Variants in IL17RD observed in about 807,000 individuals in gnomAD.
IL17RD encodes interleukin-17 receptor D.
IL17RD carries 52 observed loss-of-function variants against 80.5 expected under a neutral mutation model. The ratio of observed to expected loss-of-function variants is 0.65; its 90% confidence interval spans 0.52 to 0.81. IL17RD has a LOEUF of 0.81. Among genes scored for constraint, IL17RD ranks in the 40% least tolerant of loss-of-function variants. The pLI is 0.00. For missense variants in IL17RD, 1,024 were observed against 955.1 expected, an observed-to-expected ratio of 1.07 and a Z score of -0.95; for synonymous variants, 416 against 391.8, an observed-to-expected ratio of 1.06 and a Z score of -0.73.
chr3:57,160,116 G>A (rs954147587), intron 1 of IL17RD, among the ~76,000 whole-genome samples: 3 of 152,136 alleles, frequency 2.0e-5, no homozygotes, highest in African/African-American at 7.2e-5. Context: ...AGATTGCAGT[G>A]AGCTGAGATC....
At chr3:57,111,725 C>G (rs537994237) in intron 3 of IL17RD, among the ~76,000 whole-genome samples, 6 of 152,068 alleles carry the variant, frequency 3.9e-5, no homozygotes, top group Admixed American at 1.3e-4. Flanking sequence ...AATCCCAGCA[C>G]TTTGGAAGGC....
intron 1 of IL17RD, among the ~76,000 whole-genome samples, chr3:57,164,749 A>G (rs1474261746): frequency 6.6e-6 from 1 of 151,648 alleles, no homozygotes; most frequent in Admixed American, 6.6e-5. Context: ...CCGGGAGAAT[A>G]CCCCCTTCCC....
At chr3:57,158,533 G>A (rs550580780) in intron 1 of IL17RD, among the ~76,000 whole-genome samples, 17 of 152,252 alleles carry the variant, frequency 1.1e-4, no homozygotes, top group African/African-American at 3.8e-4. Flanking sequence ...GATTTGTTGA[G>A]GACAGCTGGT....
intron 1 of IL17RD, among the ~76,000 whole-genome samples, chr3:57,128,798 G>A (rs1190072122): frequency 6.6e-6 from 1 of 151,920 alleles, no homozygotes; most frequent in Non-Finnish European, 1.5e-5. Context: ...ACACACACAC[G>A]CAATGCACAC....
chr3:57,112,517 T>C (rs895805716), intron 3 of IL17RD, among the ~76,000 whole-genome samples: 1 of 152,190 alleles, frequency 6.6e-6, no homozygotes, highest in African/African-American at 2.4e-5. Flanking sequence ...TACTGGTCGA[T>C]GTTCAGTTTT....
At chr3:57,113,622 A>G (rs1707145739) in intron 3 of IL17RD, among the ~76,000 whole-genome samples, 1 of 152,130 alleles carries the variant, frequency 6.6e-6, no homozygotes, top group Non-Finnish European at 1.5e-5. Context: ...TAACTGTAGC[A>G]TCAAATGCTG....
chr3:57,154,279 T>TACACACACACACACACACACAC lies in IL17RD; in HGVS notation c.126+10881_126+10882insGTGTGTGTGTGTGTGTGTGTGT, dbSNP rs779041353. Among the ~76,000 whole-genome samples, 126 of 126,294 alleles carry TACACACACACACACACACACAC rather than the reference T, an allele frequency of 1.0e-3. 1 individual carries two copies. The highest frequency in any genetic ancestry group is 3.8e-3 in the African/African-American group (116 of 30,608). 82.9% of individuals were successfully genotyped at this position (126,294 alleles called of 152,430 possible). A position where few individuals can be genotyped will look rare whatever the true frequency, so the allele number is the denominator to read the frequency against. On this transcript the variant is annotated intron_variant, in intron 1 of 12. Coordinates refer to ENST00000296318, the MANE Select transcript of IL17RD (RefSeq NM_017563.5). ...AAAAAATTATATATATATATATATATATATACACACACACACACACACATA... is the reference window on the plus strand; with the variant it reads ...AAAAAATTATATATATATATATATATACACACACACACACACACACACATATACACACACACACACACACATA...
At chr3:57,126,559 A>G (rs1222556077) in intron 1 of IL17RD, among the ~76,000 whole-genome samples, 1 of 152,262 alleles carries the variant, frequency 6.6e-6, no homozygotes, top group African/African-American at 2.4e-5. Flanking sequence ...GTGATCAGAC[A>G]GCCAACTTCC....
chr3:57,109,503 C>G, intron 5 of IL17RD, 34 bp downstream of exon 5: 1 of 1,593,644 alleles, frequency 6.3e-7, no homozygotes, highest in Middle Eastern at 1.7e-4. Flanking sequence ...GAAAAGTCTT[C>G]TCATGGGAAC....
upstream of IL17RD, among the ~76,000 whole-genome samples, chr3:57,168,314 G>A (rs1445185188): frequency 3.9e-5 from 6 of 152,300 alleles, no homozygotes; most frequent in African/African-American, 1.4e-4. Flanking sequence ...CTTTCTGTCT[G>A]CACACCCACC....
chr3:57,169,522 G>A, upstream of IL17RD: 1 of 202,218 alleles, frequency 4.9e-6, no homozygotes, highest in South Asian at 6.6e-5. Context: ...TTTTGTTAGG[G>A]GTCAAATTAT....
At chr3:57,138,076 T>C (rs769474183) in intron 1 of IL17RD, among the ~76,000 whole-genome samples, 3 of 152,096 alleles carry the variant, frequency 2.0e-5, no homozygotes, top group Non-Finnish European at 4.4e-5. Context: ...GAGACATGAA[T>C]AGAGATAGCC....
At chr3:57,130,770 AT>A (rs1284685779) in intron 1 of IL17RD, among the ~76,000 whole-genome samples, 2 of 152,168 alleles carry the variant, frequency 1.3e-5, no homozygotes. Context: ...TCCCCCTGAG[AT>A]GCAGTCAGGG....
intron 3 of IL17RD, among the ~76,000 whole-genome samples, chr3:57,113,386 C>CGACA (rs1707140817): frequency 6.6e-6 from 1 of 152,020 alleles, no homozygotes. Context: ...TACAGGCATG[C>CGACA]GACACCACAC....
rs1707050077 is a variant in IL17RD at position 57,109,666 on chromosome 3, G to C, written c.430-9C>G. On this transcript the variant is annotated splice_polypyrimidine_tract_variant and intron_variant, in intron 4 of 12. Transcript: ENST00000296318. ...GGTTGAGATTCCATTCCCTAAAAGG[G>C]AACAAAAACACAGTGACATCATGGA... 1 of 1,610,116 alleles carries C rather than the reference G, an allele frequency of 6.2e-7. No individual in the cohort carries two copies. Among genetic ancestry groups the C allele is most frequent in the Non-Finnish European group, 8.5e-7 (1 of 1,178,628 alleles).
chr3:57,127,550 C>T (rs1290784137), intron 1 of IL17RD, among the ~76,000 whole-genome samples: 2 of 150,044 alleles, frequency 1.3e-5, no homozygotes, highest in African/African-American at 4.9e-5. Flanking sequence ...GGATTACAGG[C>T]GCCCACCACC....
At chr3:57,156,470 T>C (rs1185064087) in intron 1 of IL17RD, among the ~76,000 whole-genome samples, 2 of 151,926 alleles carry the variant, frequency 1.3e-5, no homozygotes, top group Admixed American at 6.6e-5. Context: ...GAGGCTGAGG[T>C]AGGAGAATTG....
intron 1 of IL17RD, chr3:57,134,388 G>A (rs1045955063): frequency 2.8e-6 from 2 of 704,066 alleles, no homozygotes; most frequent in African/African-American, 1.7e-5. Context: ...AAAGGGTACA[G>A]CCAATGCCCA....
chr3:57,146,320 A>G (rs1232416764), intron 1 of IL17RD, among the ~76,000 whole-genome samples: 1 of 152,228 alleles, frequency 6.6e-6, no homozygotes, highest in Non-Finnish European at 1.5e-5. Context: ...GCCCACACCT[A>G]GCTTTAATAT....
Sources: gnomAD v4.1 joint callset for allele counts (sites outside exome capture counted in the v4.1 genomes callset) on GRCh38, gnomAD v4.1.1 for gene constraint, MANE v1.5 for transcripts, NCBI Gene and HGNC (gene_info 2026-07-23, HGNC 2026-07-21) for gene names.